Variants in ANO1 observed in about 807,000 individuals in gnomAD.
The protein encoded by ANO1 is anoctamin-1.
In ANO1, 59 loss-of-function variants were observed where a neutral mutation model predicts 124.0. That is an observed-to-expected ratio of 0.48 (90% confidence interval 0.39 to 0.59). The LOEUF (loss-of-function observed/expected upper bound fraction) is 0.59, where lower values mean the gene tolerates loss of function less well. ANO1 is among the 20% of genes least tolerant of loss of function. ANO1 has a pLI of 0.00. For synonymous variants in ANO1, 529 were observed against 532.0 expected, an observed-to-expected ratio of 0.99 and a Z score of 0.08; for missense variants, 1,059 against 1,328.0, an observed-to-expected ratio of 0.80 and a Z score of 3.15.
intron 1 of ANO1, among the ~76,000 whole-genome samples, chr11:70,047,371 A>T (rs186432887): frequency 2.0e-4 from 31 of 152,300 alleles, no homozygotes; most frequent in Non-Finnish European, 2.8e-4. Context: ...ATATGGAGAA[A>T]TAAGAATTAT....
chr11:70,071,228 A>T (rs185501280), intron 1 of ANO1, among the ~76,000 whole-genome samples: 1 of 152,334 alleles, frequency 6.6e-6, no homozygotes, highest in East Asian at 1.9e-4. Flanking sequence ...GTTTCTCTAC[A>T]TGTGTGCTGT....
chr11:69,986,444 C>T (rs556603658), intron 1 of ANO1, among the ~76,000 whole-genome samples: 1 of 152,108 alleles, frequency 6.6e-6, no homozygotes, highest in East Asian at 1.9e-4. Context: ...CTGGGGGCGC[C>T]GCCGGGCAGG....
intron 7 of ANO1, 52 bp downstream of exon 7, chr11:70,111,814 C>T (rs2045792627): frequency 2.6e-5 from 41 of 1,582,442 alleles, no homozygotes; most frequent in Non-Finnish European, 3.6e-5. Flanking sequence ...CTCCCCAAAT[C>T]CCGCCGGGCC....
intron 1 of ANO1, among the ~76,000 whole-genome samples, chr11:70,023,404 A>G (rs1355539456): frequency 6.6e-6 from 1 of 152,228 alleles, no homozygotes; most frequent in Non-Finnish European, 1.5e-5. Flanking sequence ...GGATTTGTTC[A>G]TGGCACGTCT....
intron 1 of ANO1, among the ~76,000 whole-genome samples, chr11:70,071,357 C>T (rs1565173896): frequency 6.6e-6 from 1 of 152,200 alleles, no homozygotes; most frequent in East Asian, 1.9e-4. Flanking sequence ...ACCTATCAAC[C>T]TATTTCATGT....
At chr11:69,987,437 A>G (rs1856065138) in intron 1 of ANO1, among the ~76,000 whole-genome samples, 1 of 152,132 alleles carries the variant, frequency 6.6e-6, no homozygotes, top group Non-Finnish European at 1.5e-5. Flanking sequence ...TGTGCAGACA[A>G]AGAAACTGAG....
At chr11:70,062,666 C>T (rs1313234365) in intron 1 of ANO1, among the ~76,000 whole-genome samples, 4 of 152,142 alleles carry the variant, frequency 2.6e-5, no homozygotes, top group Admixed American at 2.0e-4. Context: ...CTGGCATCAC[C>T]GTCACCTGTG....
In ANO1 at chr11:70,136,775, G is replaced by A. The variant is rs969195474; in HGVS notation, c.1258+4696G>A. ...TGCTTTCCCGGGATTCCAGTCACAG[G>A]TGGGGACAGACACGCACAGAAATCA... On this transcript the variant is annotated intron_variant, in intron 11 of 25. Coordinates refer to ENST00000355303, the MANE Select transcript of ANO1 (RefSeq NM_018043.7). 2.0e-5 allele frequency among the ~76,000 whole-genome samples: 3 copies of A among 148,106 alleles called. 1 individual carries two copies. Among genetic ancestry groups the A allele is most frequent in the African/African-American group, 7.3e-5 (3 of 41,334 alleles).
chr11:70,109,546 G>A (rs138847327), intron 6 of ANO1, among the ~76,000 whole-genome samples: 147 of 152,346 alleles, frequency 9.6e-4, no homozygotes, highest in African/African-American at 3.3e-3. Context: ...CGACTGCAGT[G>A]AGGTCAGGCG....
chr11:70,161,083 A>G, intron 16 of ANO1, 78 bp from the exon 17 acceptor site: 1 of 1,334,884 alleles, frequency 7.5e-7, no homozygotes, highest in Non-Finnish European at 1.0e-6. Flanking sequence ...GGACAGCTGG[A>G]CTGAGGGAGC....
intron 1 of ANO1, among the ~76,000 whole-genome samples, chr11:69,996,436 T>A (rs1554998356): frequency 6.6e-6 from 1 of 152,238 alleles, no homozygotes; most frequent in East Asian, 1.9e-4. Context: ...GACCACCTCA[T>A]GATACCCACA....
chr11:70,167,764 G>A (rs142457332), intron 21 of ANO1, among the ~76,000 whole-genome samples: 441 of 152,278 alleles, frequency 2.9e-3, no homozygotes, highest in Admixed American at 4.8e-3. Flanking sequence ...CCTGGGTTGT[G>A]CAGCTCTTCC....
chr11:70,009,722 G>A (rs1373729289), intron 1 of ANO1, among the ~76,000 whole-genome samples: 1 of 152,180 alleles, frequency 6.6e-6, no homozygotes, highest in Non-Finnish European at 1.5e-5. Flanking sequence ...GGATGAGCCT[G>A]TGCAGATAAA....
intron 1 of ANO1, 149 bp from the exon 2 acceptor site, chr11:70,087,603 T>C (rs1319281821): frequency 5.6e-6 from 4 of 710,232 alleles, no homozygotes; most frequent in Non-Finnish European, 8.9e-6. Context: ...TCTCAGGCCC[T>C]AGGACAGTGC....
At chr11:70,187,287 T>C (rs1565292382) in intron 25 of ANO1, among the ~76,000 whole-genome samples, 2 of 152,242 alleles carry the variant, frequency 1.3e-5, no homozygotes, top group African/African-American at 4.8e-5. Flanking sequence ...AACTGACTTA[T>C]GTTGCCTTCT....
chr11:70,163,293 C>T lies in ANO1; in HGVS notation c.1903C>T (p.Arg635Cys), dbSNP rs756875910. Reference sequence around the variant, plus strand: ...CCCCCATCGTTTCAGGTTTGTTGGACGCCCGGGCGACTACGTGTACATTTT... The same window carrying T: ...CCCCCATCGTTTCAGGTTTGTTGGATGCCCGGGCGACTACGTGTACATTTT... ...VAFFKGRFVG[R>C]PGDYVYIFRS... Residue 635 changes from arginine (R) to cysteine (C), a missense_variant, in exon 19 of 26, where the codon CGC (arginine) becomes TGC (cysteine). Physicochemically the swap from Arg to Cys is radical, Grantham distance 180. This residue lies in a region of ANO1 where 809 missense variants were observed against 1,094.9 expected (regional missense o/e 0.74). Coordinates refer to ENST00000355303, the MANE Select transcript of ANO1 (RefSeq NM_018043.7). 3 of 1,613,598 alleles carry T rather than the reference C, an allele frequency of 1.9e-6. No individual in the cohort carries two copies. The highest frequency in any genetic ancestry group is 1.1e-5 in the South Asian group (1 of 91,022).
Position 70,149,713 on chromosome 11 carries a change from C to T in ANO1, c.1262C>T (p.Ala421Val), listed in dbSNP as rs1056162906. The change falls in exon 12 of 26, where the codon GCC (alanine) becomes GTC (valine). Residue 421 changes from alanine (A) to valine (V), a missense_variant. Transcript: ENST00000355303. The stretch of plus-strand genomic sequence containing the variant: ...CTGGTTTTGCCCCTGCCCGCAGCTG[C>T]CACCTTCATGGAGCACTGGAAGCGG... ...FFSVFMALWA[A>V]TFMEHWKRKQ... 3.1e-6 allele frequency: 5 copies of T among 1,613,328 alleles called. No homozygotes were observed. The highest frequency in any genetic ancestry group is 4.2e-6 in the Non-Finnish European group (5 of 1,179,786).
At chr11:70,183,002 G>A (rs181650477) in intron 24 of ANO1, among the ~76,000 whole-genome samples, 36 of 152,214 alleles carry the variant, frequency 2.4e-4, no homozygotes, top group African/African-American at 6.3e-4. Context: ...CTAGCTACTC[G>A]GGAGGCTGAG....
the ANO1 span, among the ~76,000 whole-genome samples, chr11:69,976,222 G>A: frequency 1.3e-5 from 2 of 152,150 alleles, no homozygotes; most frequent in Non-Finnish European, 2.9e-5. Flanking sequence ...AATTCAGTCT[G>A]ACTGGCCCCT....
Sources: allele counts gnomAD v4.1 joint callset (sites outside exome capture counted in the v4.1 genomes callset), GRCh38; gene constraint gnomAD v4.1.1; regional missense constraint gnomAD v4.1.1; transcripts MANE v1.5; gene names NCBI Gene and HGNC (gene_info 2026-07-23, HGNC 2026-07-21).